The following TGM3 variants were observed in gnomAD, a reference collection of about 807,000 sequenced individuals.
TGM3 encodes the protein transglutaminase 3, also known as protein-glutamine gamma-glutamyltransferase E.
A neutral mutation model predicts 73.8 loss-of-function variants in TGM3; 52 were observed. The observed-to-expected ratio is 0.70, with a 90% CI of 0.56 to 0.89. The LOEUF (loss-of-function observed/expected upper bound fraction) is 0.89, where lower values mean the gene tolerates loss of function less well. TGM3 is among the 40% of genes least tolerant of loss of function. TGM3 has a pLI of 0.00. For synonymous variants in TGM3, 372 were observed against 354.9 expected (o/e 1.05, Z -0.54); for missense variants, 928 against 909.9 (o/e 1.02, Z -0.26).
chr20:2,303,269 C>A (rs181159592), intron 1 of TGM3, among the ~76,000 whole-genome samples: 388 of 151,774 alleles, frequency 2.6e-3, no homozygotes, highest in Non-Finnish European at 4.6e-3. Context: ...CCTCTGCACT[C>A]CAGCCTGGGC....
At chr20:2,303,385 G>T (rs2122210319) in intron 1 of TGM3, among the ~76,000 whole-genome samples, 1 of 152,214 alleles carries the variant, frequency 6.6e-6, no homozygotes, top group South Asian at 2.1e-4. Context: ...GTTGGCAGGG[G>T]CTGGGGATAG....
At chr20:2,313,632 C>T (rs2084218430) in intron 5 of TGM3, among the ~76,000 whole-genome samples, 1 of 144,698 alleles carries the variant, frequency 6.9e-6, no homozygotes, top group South Asian at 2.3e-4. Context: ...AACACACACA[C>T]ACTCACACAA....
chr20:2,327,401 C>T (rs932366877), intron 8 of TGM3, among the ~76,000 whole-genome samples: 4 of 152,062 alleles, frequency 2.6e-5, no homozygotes, highest in African/African-American at 4.8e-5. Flanking sequence ...GGCGTGAACC[C>T]GGGAGGCGGA....
intron 10 of TGM3, among the ~76,000 whole-genome samples, chr20:2,333,945 T>C (rs1305005555): frequency 6.6e-6 from 1 of 152,138 alleles, no homozygotes; most frequent in Non-Finnish European, 1.5e-5. Flanking sequence ...GGGGCAGGGA[T>C]GGCAAATTCC....
intron 1 of TGM3, among the ~76,000 whole-genome samples, chr20:2,308,041 G>A (rs2084184430): frequency 6.6e-6 from 1 of 152,018 alleles, no homozygotes; most frequent in Non-Finnish European, 1.5e-5. Flanking sequence ...GGGCAACATG[G>A]CAAAACCCTG....
At chr20:2,306,519 C>G (rs940046991) in intron 1 of TGM3, among the ~76,000 whole-genome samples, 2 of 148,658 alleles carry the variant, frequency 1.3e-5, no homozygotes, top group Admixed American at 1.4e-4. Flanking sequence ...CTCTGTTACC[C>G]AGGCTGGAGT....
At chr20:2,296,506 TGA>T (rs1256739239) in intron 1 of TGM3, among the ~76,000 whole-genome samples, 1 of 151,784 alleles carries the variant, frequency 6.6e-6, no homozygotes, top group Non-Finnish European at 1.5e-5. Context: ...TACCAGGGAG[TGA>T]GAGTGGTAAC....
At chr20:2,301,637 A>G (rs982670399) in intron 1 of TGM3, among the ~76,000 whole-genome samples, 1 of 151,962 alleles carries the variant, frequency 6.6e-6, no homozygotes, top group African/African-American at 2.4e-5. Flanking sequence ...TGTAAAGACT[A>G]TTAGATAGAT....
intron 5 of TGM3, among the ~76,000 whole-genome samples, chr20:2,315,625 G>A (rs2084229385): frequency 6.6e-6 from 1 of 152,214 alleles, no homozygotes. Flanking sequence ...GGCTGGAGGA[G>A]CCTTCAGAGA....
chr20:2,326,533 G>A (rs1236374023), intron 8 of TGM3, among the ~76,000 whole-genome samples: 1 of 152,154 alleles, frequency 6.6e-6, no homozygotes, highest in African/African-American at 2.4e-5. Context: ...CTCATTTTCA[G>A]TTGTTCTTTG....
chr20:2,310,052 C>T, intron 2 of TGM3, 126 bp from the exon 3 acceptor site: 1 of 1,455,064 alleles, frequency 6.9e-7, no homozygotes, highest in East Asian at 2.3e-5. Context: ...GTTCCAGTTA[C>T]TTCCAGTGGT....
At chr20:2,298,018 G>C (rs2084120397) in intron 1 of TGM3, among the ~76,000 whole-genome samples, 1 of 100,344 alleles carries the variant, frequency 1.0e-5, no homozygotes, top group African/African-American at 3.1e-5. Flanking sequence ...GGATAGGGAA[G>C]ACTCTGAAAA....
rs545644153 is a variant in TGM3, at chr20:2,316,436, G to A, written c.670-632G>A. Among the ~76,000 whole-genome samples the A allele has an allele frequency of 3.0e-3, 168 of 55,708 alleles. 1 individual carries two copies. Among genetic ancestry groups the A allele is most frequent in the Middle Eastern group, 0.027 (4 of 150 alleles). The allele number at this position is 55,708 out of a possible 152,430, so 36.5% of individuals were successfully genotyped here. On this transcript the variant is annotated intron_variant, in intron 5 of 12. Coordinates refer to ENST00000381458, the MANE Select transcript of TGM3 (RefSeq NM_003245.4). ...AAAAGCTAGCCGGGCATGGTGGCAC[G>A]CATTAACACCAGTTACTCAGGAGGC...
At position 2,340,551 on chromosome 20, in the gene TGM3, G is replaced by A. The variant is rs1433045815; in HGVS notation, c.2052G>A (p.Lys684=). The A allele has an allele frequency of 1.2e-6, 2 of 1,614,046 alleles. No homozygotes were observed. Among genetic ancestry groups the A allele is most frequent in the African/African-American group, 2.7e-5 (2 of 74,914 alleles). Residue 684 remains lysine, a synonymous_variant, in exon 13 of 13, where the codon AAG becomes AAA. Coordinates refer to ENST00000381458, the MANE Select transcript of TGM3 (RefSeq NM_003245.4). The part of the protein sequence containing the change: ...DFSCNKFPAI[K]AMLSIDVAE The stretch of plus-strand genomic sequence containing the variant: ...CCTGCAACAAGTTCCCTGCAATCAA[G>A]GCCATGTTGTCCATCGATGTAGCCG...
Position 2,339,964 on chromosome 20 carries a change from G to A in TGM3, c.1911G>A (p.Leu637=), listed in dbSNP as rs749649647. 1.9e-6 allele frequency: 3 copies of A among 1,588,650 alleles called. No individual in the cohort carries two copies. Among genetic ancestry groups the A allele is most frequent in the East Asian group, 4.6e-5 (2 of 43,308 alleles). Residue 637 remains leucine, a synonymous_variant, in exon 12 of 13, where the codon CTG becomes CTA. Transcript: ENST00000381458. ...TGCTGATGGTGGAGGGAAGCGGCCTGCTGTTGGGTAACCTGAAGATCGAGT... is the reference window on the plus strand; with the variant it reads ...TGCTGATGGTGGAGGGAAGCGGCCTACTGTTGGGTAACCTGAAGATCGAGT... ...DCVLMVEGSG[L]LLGNLKIDVP...
intron 7 of TGM3, among the ~76,000 whole-genome samples, chr20:2,320,986 G>T (rs995018645): frequency 6.6e-6 from 1 of 152,138 alleles, no homozygotes; most frequent in Non-Finnish European, 1.5e-5. Context: ...GTGAAGTCAG[G>T]CAGTGCCTCC....
Position 2,317,475 on chromosome 20 carries a change from G to A in TGM3, c.973G>A (p.Asp325Asn). The A allele has an allele frequency of 6.2e-7, 1 of 1,614,248 alleles. No homozygotes were observed. The highest frequency in any genetic ancestry group is 8.5e-7 in the Non-Finnish European group (1 of 1,180,044). Residue 325 changes from aspartate (D) to asparagine (N), a missense_variant, in exon 7 of 13, where the codon GAT becomes AAT. Physicochemically the swap from Asp to Asn is conservative, Grantham distance 23. Coordinates refer to ENST00000381458, the MANE Select transcript of TGM3 (RefSeq NM_003245.4). Reference sequence around the variant, plus strand: ...GGGAAACCCCCTGGACAAGGGTAGTGATAGCGTATGGTAAGTATCTCACCT... The same window carrying A: ...GGGAAACCCCCTGGACAAGGGTAGTAATAGCGTATGGTAAGTATCTCACCT... ...PMGNPLDKGSDSVWNFHVWNE... is the reference protein window; with the variant it reads ...PMGNPLDKGSNSVWNFHVWNE...
intron 8 of TGM3, among the ~76,000 whole-genome samples, chr20:2,327,649 T>G (rs1410546818): frequency 6.6e-6 from 1 of 152,112 alleles, no homozygotes; most frequent in Non-Finnish European, 1.5e-5. Flanking sequence ...TATCTAAGCT[T>G]CCTATGCTGA....
chr20:2,336,753 T>A (rs2122257067), intron 11 of TGM3, among the ~76,000 whole-genome samples: 2 of 151,976 alleles, frequency 1.3e-5, no homozygotes, highest in Middle Eastern at 6.8e-3. Flanking sequence ...GTTCAGGCCT[T>A]GGGCCATGTA....
Sources: gnomAD v4.1 joint callset for allele counts (sites outside exome capture counted in the v4.1 genomes callset) on GRCh38, gnomAD v4.1.1 for gene constraint, MANE v1.5 for transcripts, NCBI Gene and HGNC (gene_info 2026-07-23, HGNC 2026-07-21) for gene names.